The following SPG11 variants were observed in gnomAD, a reference collection of about 807,000 sequenced individuals.
SPG11 encodes spatacsin.
In SPG11, 222 loss-of-function variants were observed where a neutral mutation model predicts 274.0. The observed-to-expected ratio is 0.81, with a 90% confidence interval of 0.73 to 0.91. The LOEUF is 0.91. Among genes scored for constraint, SPG11 ranks in the 40% least tolerant of loss-of-function variants. The probability of loss-of-function intolerance (pLI) is 0.00; values close to 1 mark genes in which losing one functional copy is unlikely to be tolerated. For missense variants in SPG11, 3,114 were observed against 2,872.7 expected, an observed-to-expected ratio of 1.08 and a Z score of -1.92; for synonymous variants, 1,144 against 1,039.7, an observed-to-expected ratio of 1.10 and a Z score of -1.93.
intron 1 of SPG11, among the ~76,000 whole-genome samples, chr15:44,661,860 C>T (rs551606172): frequency 6.6e-6 from 1 of 152,270 alleles, no homozygotes; most frequent in African/African-American, 2.4e-5. Flanking sequence ...ACTCTAAATA[C>T]TATAAACATG....
chr15:44,584,678 G>C, intron 29 of SPG11, 120 bp from the exon 30 acceptor site: 2 of 1,229,160 alleles, frequency 1.6e-6, no homozygotes, highest in African/African-American at 1.5e-5. Flanking sequence ...ACCCAGGCTG[G>C]AGAGCAGTGG....
chr15:44,621,373 TA>T (rs1205755397), intron 14 of SPG11: 3 of 162,580 alleles, frequency 1.8e-5, no homozygotes, highest in Non-Finnish European at 4.0e-5. Flanking sequence ...GCCATAATAG[TA>T]AGCCAGAATT....
At chr15:44,580,891 G>GA (rs2082646545) in intron 30 of SPG11, among the ~76,000 whole-genome samples, 1 of 152,206 alleles carries the variant, frequency 6.6e-6, no homozygotes, top group Non-Finnish European at 1.5e-5. Context: ...AGAGGAGGTA[G>GA]GGTATGGTGC....
Position 44,584,156 on chromosome 15 carries a change from A to C in SPG11, c.5524T>G (p.Ser1842Ala). ...TTCAGAGCAGCCAACTTGGAGAAGG[A>C]AAACTCACTGGCTAAACTATCAAAG... is the stretch of plus-strand genomic sequence containing the variant. Reference protein sequence around the residue: ...LSFDSLASEFSFSKLAALNTS... With the variant: ...LSFDSLASEFAFSKLAALNTS... The change falls in exon 30 of 40, where the codon TCC becomes GCC. Residue 1842 changes from serine (S) to alanine (A), a missense_variant. Transcript: ENST00000261866. 1 of 1,614,218 alleles carries C rather than the reference A, an allele frequency of 6.2e-7. No homozygotes were observed.
chr15:44,607,420 T>C (rs1412605071), intron 19 of SPG11, among the ~76,000 whole-genome samples: 2 of 152,194 alleles, frequency 1.3e-5, no homozygotes, highest in African/African-American at 2.4e-5. Flanking sequence ...TAGCTGGGAC[T>C]ATAGGCACGT....
intron 24 of SPG11, 78 bp from the exon 25 acceptor site, chr15:44,596,433 T>TAGAC: frequency 6.6e-7 from 1 of 1,521,344 alleles, no homozygotes; most frequent in East Asian, 2.3e-5. Context: ...GAGAAAAGCA[T>TAGAC]AGACAAAATT....
At chr15:44,634,765 C>G (rs981838944) in intron 7 of SPG11, among the ~76,000 whole-genome samples, 5 of 151,806 alleles carry the variant, frequency 3.3e-5, no homozygotes, top group Non-Finnish European at 7.4e-5. Context: ...TTAACAGAAA[C>G]GGGGTTTCAC....
At chr15:44,637,936 A>G (rs1567181186) in intron 7 of SPG11, among the ~76,000 whole-genome samples, 1 of 152,196 alleles carries the variant, frequency 6.6e-6, no homozygotes, top group Non-Finnish European at 1.5e-5. Flanking sequence ...CAAGATGTAG[A>G]GGTGGAAGAC....
intron 30 of SPG11, among the ~76,000 whole-genome samples, chr15:44,577,367 G>A (rs957792786): frequency 7.9e-5 from 12 of 151,502 alleles, no homozygotes; most frequent in Non-Finnish European, 1.3e-4. Flanking sequence ...GCTGGGGATG[G>A]TAGTGTGCAC....
chr15:44,619,375 C>G (rs1358303228), intron 15 of SPG11, among the ~76,000 whole-genome samples: 1 of 152,162 alleles, frequency 6.6e-6, no homozygotes, highest in East Asian at 1.9e-4. Context: ...GATATTCAGT[C>G]ATTTTTGACC....
chr15:44,613,549 C>A lies in SPG11; in HGVS notation c.3039-13G>T. ...TTCAGGACTAAGTCTGTATATAAAA[C>A]AAACAAAAACCTTCTTTGATTAACA... On this transcript the variant is annotated splice_polypyrimidine_tract_variant and intron_variant, in intron 16 of 39. Transcript: ENST00000261866. The A allele has an allele frequency of 6.5e-7, 1 of 1,541,700 alleles. No homozygotes were observed. Among genetic ancestry groups the A allele is most frequent in the Non-Finnish European group, 9.0e-7 (1 of 1,114,846 alleles).
intron 1 of SPG11, among the ~76,000 whole-genome samples, chr15:44,662,523 C>T (rs1419752435): frequency 6.6e-6 from 1 of 151,774 alleles, no homozygotes; most frequent in African/African-American, 2.4e-5. Flanking sequence ...GAAAAATTAG[C>T]CAGGCCTGGT....
At chr15:44,593,914 C>T (rs989008331) in intron 26 of SPG11, among the ~76,000 whole-genome samples, 5 of 150,492 alleles carry the variant, frequency 3.3e-5, no homozygotes, top group Non-Finnish European at 7.4e-5. Context: ...CTGCCACGCC[C>T]GGCTTTTTTC....
chr15:44,604,285 T>C, intron 20 of SPG11: 1 of 323,778 alleles, frequency 3.1e-6, no homozygotes, highest in South Asian at 2.3e-5. Context: ...TCTTTGAGAT[T>C]AAAAAAACTG....
At chr15:44,636,301 C>G (rs2084248720) in intron 7 of SPG11, among the ~76,000 whole-genome samples, 1 of 151,844 alleles carries the variant, frequency 6.6e-6, no homozygotes, top group African/African-American at 2.4e-5. Flanking sequence ...CAAACTATGC[C>G]TTCGTTCTGA....
intron 7 of SPG11, among the ~76,000 whole-genome samples, chr15:44,634,441 A>AT (rs1334276767): frequency 0.019 from 2,581 of 133,060 alleles, 66 homozygotes; most frequent in East Asian, 0.11. Context: ...CACCCAGCTG[A>AT]TTTTTTTTTT....
rs896752959 is a variant in SPG11 at position 44,626,571 on chromosome 15, T to C, written c.2068-64A>G. The stretch of plus-strand genomic sequence containing the variant: ...CATTTCCTTATTATGATTATCAACA[T>C]GGGATTATACATTTATGTAACATCT... On this transcript the variant is annotated intron_variant, in intron 10 of 39. Transcript: ENST00000261866. 7 of 1,507,056 alleles carry C rather than the reference T, an allele frequency of 4.6e-6. No individual in the cohort carries two copies. The African/African-American group carries it at 9.6e-5, about 21-fold the overall frequency. 93.4% of individuals were successfully genotyped at this position (1,507,056 alleles called of 1,614,324 possible).
intron 19 of SPG11, among the ~76,000 whole-genome samples, chr15:44,607,843 A>G (rs1238111362): frequency 6.6e-6 from 1 of 152,242 alleles, no homozygotes; most frequent in Non-Finnish European, 1.5e-5. Context: ...TTAAACAAAC[A>G]TCCCTGATTC....
At chr15:44,597,073 C>G in intron 23 of SPG11, 130 bp from the exon 24 acceptor site, 1 of 700,248 alleles carries the variant, frequency 1.4e-6, no homozygotes. Flanking sequence ...CCAACAAATA[C>G]TAAATATTTA....
Sources: allele counts gnomAD v4.1 joint callset (sites outside exome capture counted in the v4.1 genomes callset), GRCh38; gene constraint gnomAD v4.1.1; transcripts MANE v1.5; gene names NCBI Gene and HGNC (gene_info 2026-07-23, HGNC 2026-07-21).